The following SOX6 variants were observed in gnomAD, a reference collection of about 807,000 sequenced individuals.
SOX6 encodes SRY-box transcription factor 6, also known as transcription factor SOX-6.
A neutral mutation model predicts 97.8 loss-of-function variants in SOX6; 11 were observed. That is an observed-to-expected ratio of 0.11 (90% CI 0.07 to 0.19). SOX6 has a LOEUF of 0.19. Among genes scored for constraint, SOX6 ranks in the 10% least tolerant of loss-of-function variants. The pLI, the probability that SOX6 is intolerant of heterozygous loss-of-function variation, is 1.00. For synonymous variants in SOX6, 360 were observed against 371.4 expected (o/e 0.97, Z 0.35); for missense variants, 810 against 1,039.5 (o/e 0.78, Z 3.04).
chr11:16,508,098 A>G (rs1174650484), intron 4 of SOX6, among the ~76,000 whole-genome samples: 1 of 152,130 alleles, frequency 6.6e-6, no homozygotes, highest in Non-Finnish European at 1.5e-5. Flanking sequence ...CATAAATAAT[A>G]AATTCTCAAA....
At chr11:16,080,137 GAT>G (rs1848442206) in intron 9 of SOX6, among the ~76,000 whole-genome samples, 1 of 148,930 alleles carries the variant, frequency 6.7e-6, no homozygotes, top group Non-Finnish European at 1.5e-5. Context: ...TAAGGCGATA[GAT>G]ATGTTAATTA....
intron 4 of SOX6, among the ~76,000 whole-genome samples, chr11:16,193,252 A>G (rs1236549617): frequency 6.6e-6 from 1 of 152,158 alleles, no homozygotes; most frequent in East Asian, 1.9e-4. Context: ...CACAATTGCA[A>G]TCCTAGCAAT....
At chr11:16,075,485 G>T (rs754625536) in intron 9 of SOX6, among the ~76,000 whole-genome samples, 2 of 152,160 alleles carry the variant, frequency 1.3e-5, no homozygotes, top group African/African-American at 4.8e-5. Context: ...CATAAAAAAG[G>T]ATGAGTTCAC....
chr11:16,691,066 T>G (rs1848009558), intron 3 of SOX6, among the ~76,000 whole-genome samples: 1 of 152,212 alleles, frequency 6.6e-6, no homozygotes. Flanking sequence ...TTTTGTTCTT[T>G]GTTTCTTTTT....
At chr11:16,332,405 G>A (rs888391672) in intron 2 of SOX6, among the ~76,000 whole-genome samples, 4 of 152,040 alleles carry the variant, frequency 2.6e-5, no homozygotes, top group African/African-American at 9.7e-5. Context: ...TAATCTACCT[G>A]TGCTTGAATG....
intron 12 of SOX6, among the ~76,000 whole-genome samples, chr11:16,016,429 A>G (rs1190853635): frequency 1.3e-5 from 2 of 152,080 alleles, no homozygotes; most frequent in African/African-American, 4.8e-5. Context: ...ACTGGGTAAT[A>G]CTCACTAGTT....
intron 1 of SOX6, among the ~76,000 whole-genome samples, chr11:16,444,834 A>G (rs969756434): frequency 6.6e-6 from 1 of 152,222 alleles, no homozygotes; most frequent in Admixed American, 6.5e-5. Flanking sequence ...TGAAATTAAG[A>G]GTGACGAAGA....
chr11:15,987,442 C>A (rs4757378), intron 14 of SOX6, among the ~76,000 whole-genome samples: 61,755 of 151,956 alleles, frequency 0.41, 13,179 homozygotes, highest in East Asian at 0.64. Flanking sequence ...CCCCAATTAA[C>A]GAAGAATTCT....
chr11:16,495,541 C>A (rs1860580062), intron 4 of SOX6, among the ~76,000 whole-genome samples: 1 of 152,210 alleles, frequency 6.6e-6, no homozygotes, highest in Non-Finnish European at 1.5e-5. Context: ...ACCACTACCA[C>A]AATAGCTGGC....
chr11:16,706,974 C>T (rs913316556), intron 3 of SOX6, among the ~76,000 whole-genome samples: 1 of 152,050 alleles, frequency 6.6e-6, no homozygotes. Flanking sequence ...TGAAAAAATG[C>T]ACACTGGGAA....
intron 1 of SOX6, among the ~76,000 whole-genome samples, chr11:16,449,219 G>T (rs1187275874): frequency 6.8e-6 from 1 of 147,582 alleles, no homozygotes; most frequent in Non-Finnish European, 1.5e-5. Context: ...TGAACGAGCA[G>T]AAGTATTGGG....
Position 15,973,033 on chromosome 11 carries a change from A to T in SOX6, c.2263T>A (p.Ser755Thr). ...GAGCAGTCAGATGTCATCTGAGGCG[A>T]TGGTGTGGTAGTTGCCATAGTGATA... ...GAITMATTTP[S>T]PQMTSDCSST... is the part of the protein sequence containing the mutation. Residue 755 changes from serine (S) to threonine (T), a missense_variant, in exon 16 of 16, where the codon TCG becomes ACG. Coordinates refer to ENST00000683767, the MANE Select transcript of SOX6 (RefSeq NM_001367873.1). 6.2e-7 allele frequency: 1 copy of T among 1,614,174 alleles called. No individual in the cohort carries two copies. Among genetic ancestry groups the T allele is most frequent in the Non-Finnish European group, 8.5e-7 (1 of 1,180,020 alleles).
At chr11:16,289,231 T>G (rs769376560) in intron 3 of SOX6, among the ~76,000 whole-genome samples, 1 of 151,926 alleles carries the variant, frequency 6.6e-6, no homozygotes, top group Non-Finnish European at 1.5e-5. Context: ...TTAAACAAGA[T>G]GACCTATTAG....
At chr11:15,973,183 A>G in intron 15 of SOX6, 71 bp from the exon 16 acceptor site, 1 of 1,443,352 alleles carries the variant, frequency 6.9e-7, no homozygotes, top group Admixed American at 1.8e-5. Flanking sequence ...CAGCATTGGA[A>G]TTCACACCCT....
chr11:16,575,677 T>C (rs2133201706), intron 4 of SOX6, among the ~76,000 whole-genome samples: 1 of 152,236 alleles, frequency 6.6e-6, no homozygotes, highest in Non-Finnish European at 1.5e-5. Context: ...TCGAACTATA[T>C]TGTTTAGAGA....
intron 3 of SOX6, among the ~76,000 whole-genome samples, chr11:16,254,841 G>T (rs1157846469): frequency 6.6e-6 from 1 of 150,382 alleles, no homozygotes; most frequent in Non-Finnish European, 1.5e-5. Flanking sequence ...TGTCAGAGTG[G>T]GTCAAAAAAA....
chr11:16,704,313 TA>T (rs1398645839), intron 3 of SOX6, among the ~76,000 whole-genome samples: 1 of 152,204 alleles, frequency 6.6e-6, no homozygotes, highest in Admixed American at 6.5e-5. Context: ...ACAAGTTCCC[TA>T]TTCTCCCACT....
intron 4 of SOX6, among the ~76,000 whole-genome samples, chr11:16,510,956 T>A (rs1363775228): frequency 1.3e-5 from 2 of 152,080 alleles, no homozygotes; most frequent in Non-Finnish European, 2.9e-5. Flanking sequence ...ACATTTTTTA[T>A]CTCAATAACC....
At position 16,318,581 on chromosome 11, in the gene SOX6, C is replaced by T. The variant is rs545452739; in HGVS notation, c.310G>A (p.Glu104Lys). 6 of 1,613,572 alleles carry T rather than the reference C, an allele frequency of 3.7e-6. No individual in the cohort carries two copies. Among genetic ancestry groups the T allele is most frequent in the South Asian group, 1.1e-5 (1 of 91,076 alleles). The change falls in exon 3 of 16, where the codon GAA (glutamate) becomes AAA (lysine). Residue 104 changes from glutamate to lysine, a missense_variant. Glu to Lys is a moderately conservative substitution (Grantham distance 56). Coordinates refer to ENST00000683767, the MANE Select transcript of SOX6 (RefSeq NM_001367873.1). ...NTSTSPHKPD[E>K]GSRDREIMTS... is the part of the protein sequence containing the mutation. ...ATTATCTCACGGTCCCGACTCCCTT[C>T]GTCAGGCTTATGTGGTGAGGTAGAG...
Sources: gnomAD v4.1 joint callset for allele counts (sites outside exome capture counted in the v4.1 genomes callset) on GRCh38, gnomAD v4.1.1 for gene constraint, MANE v1.5 for transcripts, NCBI Gene and HGNC (gene_info 2026-07-23, HGNC 2026-07-21) for gene names.